Variants in MYO1D observed in about 807,000 individuals in gnomAD.
The protein encoded by MYO1D is unconventional myosin-Id.
Under a neutral mutation model 122.0 loss-of-function variants are expected in MYO1D, and 83 were observed. The ratio of observed to expected loss-of-function variants is 0.68; its 90% confidence interval spans 0.57 to 0.82. The LOEUF (loss-of-function observed/expected upper bound fraction) is 0.82. Among genes scored for constraint, MYO1D ranks in the 40% least tolerant of loss-of-function variants. MYO1D has a pLI of 0.00. For synonymous variants in MYO1D, 464 were observed against 446.9 expected, an observed-to-expected ratio of 1.04 and a Z score of -0.48; for missense variants, 1,157 against 1,269.5, an observed-to-expected ratio of 0.91 and a Z score of 1.35.
At chr17:32,795,190 T>C (rs2090401373) in intron 1 of MYO1D, among the ~76,000 whole-genome samples, 1 of 152,086 alleles carries the variant, frequency 6.6e-6, no homozygotes, top group Admixed American at 6.6e-5. Context: ...CAAGTGAAGA[T>C]GTTTCTCACA....
At chr17:32,614,262 C>T (rs539400981) in intron 20 of MYO1D, among the ~76,000 whole-genome samples, 1 of 150,484 alleles carries the variant, frequency 6.6e-6, no homozygotes, top group Non-Finnish European at 1.5e-5. Context: ...GCCCCCGCCC[C>T]CCACACCCCG....
intron 19 of MYO1D, among the ~76,000 whole-genome samples, chr17:32,640,973 A>G (rs922623160): frequency 1.3e-5 from 2 of 151,854 alleles, no homozygotes; most frequent in African/African-American, 4.8e-5. Context: ...TCTAGGGTAC[A>G]TGTGCACAAT....
intron 1 of MYO1D, among the ~76,000 whole-genome samples, chr17:32,788,731 G>A (rs978711833): frequency 1.3e-5 from 2 of 152,060 alleles, no homozygotes; most frequent in East Asian, 1.9e-4. Context: ...CTTTGGGGGT[G>A]CAGGCTCTTT....
intron 1 of MYO1D, among the ~76,000 whole-genome samples, chr17:32,791,673 G>C (rs144165454): frequency 7.2e-5 from 11 of 152,088 alleles, no homozygotes; most frequent in African/African-American, 2.4e-4. Context: ...AGAACAAAAG[G>C]GGGTTTCTTG....
chr17:32,654,728 G>C lies in MYO1D; in HGVS notation c.2346-107C>G, dbSNP rs554555075. ...GAGTCTCCCTCCATCTCCCAGGCTG[G>C]AGTGCATGGCATGATCTCAGCTCAC... On this transcript the variant is annotated intron_variant, in intron 17 of 21. Transcript: ENST00000318217. 768 of 1,094,562 alleles carry C rather than the reference G, an allele frequency of 7.0e-4. 6 individuals are homozygous for C. Among genetic ancestry groups the C allele is most frequent in the South Asian group, 4.0e-3 (212 of 53,512 alleles). 67.8% of individuals were successfully genotyped at this position (1,094,562 alleles called of 1,614,324 possible).
rs16967586 is a variant in MYO1D at position 32,738,208 on chromosome 17, G to A, written c.1746+45C>T. On this transcript the variant is annotated intron_variant, in intron 14 of 21. Coordinates refer to ENST00000318217, the MANE Select transcript of MYO1D (RefSeq NM_015194.3). ...TACATTCTTTATAATACATCAAGAG[G>A]AAATCTATGAGTTAAAATGGATATT... 6.9e-3 allele frequency: 10,260 copies of A among 1,494,046 alleles called. 584 individuals are homozygous for A. In the African/African-American group the frequency reaches 0.12, roughly 18 times the overall value. 92.5% of individuals were successfully genotyped at this position (1,494,046 alleles called of 1,614,324 possible).
chr17:32,553,083 A>AC (rs1188818609), intron 21 of MYO1D, among the ~76,000 whole-genome samples: 1 of 139,300 alleles, frequency 7.2e-6, no homozygotes, highest in Non-Finnish European at 1.5e-5. Context: ...AAGACAAAAA[A>AC]AAAAAAACAA....
intron 19 of MYO1D, among the ~76,000 whole-genome samples, chr17:32,644,797 C>G (rs1458515600): frequency 1.3e-5 from 2 of 151,956 alleles, no homozygotes; most frequent in Admixed American, 6.6e-5. Flanking sequence ...TTATTTTGAG[C>G]CTGTGTGTCT....
rs1045115127 is a variant in MYO1D at position 32,764,968 on chromosome 17, A to T, written c.945T>A (p.Leu315=). 1 of 1,614,100 alleles carries T rather than the reference A, an allele frequency of 6.2e-7. No individual in the cohort carries two copies. Among genetic ancestry groups the T allele is most frequent in the Non-Finnish European group, 8.5e-7 (1 of 1,180,054 alleles). The part of the protein sequence containing the change: ...STKTDMVEKA[L]LYRTVATGRD... ...GGCCTGTGGCCACAGTCCGGTAAAG[A>T]AGGGCTTTCTCAACCATATCTGTCT... Residue 315 remains leucine (L), a synonymous_variant, in exon 8 of 22, where the codon CTT becomes CTA. Coordinates refer to ENST00000318217, the MANE Select transcript of MYO1D (RefSeq NM_015194.3).
chr17:32,793,710 C>T (rs547673302), intron 1 of MYO1D, among the ~76,000 whole-genome samples: 21 of 152,298 alleles, frequency 1.4e-4, no homozygotes, highest in Middle Eastern at 3.4e-3. Flanking sequence ...TATTCCCAGG[C>T]CCATCGATAG....
At chr17:32,584,430 T>C (rs1022407742) in intron 21 of MYO1D, among the ~76,000 whole-genome samples, 6 of 152,232 alleles carry the variant, frequency 3.9e-5, no homozygotes, top group African/African-American at 1.2e-4. Context: ...TTTTACCATC[T>C]TAACTATTTT....
intron 1 of MYO1D, among the ~76,000 whole-genome samples, chr17:32,833,535 T>C (rs894805911): frequency 1.1e-4 from 17 of 152,054 alleles, no homozygotes; most frequent in African/African-American, 3.9e-4. Flanking sequence ...AGTCACATCA[T>C]GCCATTCCTC....
chr17:32,876,887 G>A lies in MYO1D; in HGVS notation c.-15C>T, dbSNP rs757215130. 1.4e-6 allele frequency: 2 copies of A among 1,458,236 alleles called. No homozygotes were observed. Among genetic ancestry groups the A allele is most frequent in the African/African-American group, 1.5e-5 (1 of 67,650 alleles). 90.3% of individuals were successfully genotyped at this position (1,458,236 alleles called of 1,614,324 possible). A position where few individuals can be genotyped will look rare whatever the true frequency, so the allele number is the denominator to read the frequency against. On this transcript the variant is annotated 5_prime_UTR_variant, in exon 1 of 22. Transcript: ENST00000318217. ...TGCTCCGCCATGGCGCCAGCGCGGG[G>A]GCTCAGGTGGGCGCGCTCGGGCCTC...
At chr17:32,727,828 T>C (rs1008995014) in intron 14 of MYO1D, among the ~76,000 whole-genome samples, 4 of 152,014 alleles carry the variant, frequency 2.6e-5, no homozygotes, top group African/African-American at 9.7e-5. Context: ...CATAAGGATA[T>C]AGAAAGATTG....
chr17:32,775,257 T>C (rs952459329), intron 4 of MYO1D, among the ~76,000 whole-genome samples: 1 of 151,878 alleles, frequency 6.6e-6, no homozygotes, highest in African/African-American at 2.4e-5. Context: ...GCCATGTTCA[T>C]GCTACTGCAC....
intron 21 of MYO1D, among the ~76,000 whole-genome samples, chr17:32,589,488 C>T (rs575737357): frequency 2.0e-5 from 3 of 152,224 alleles, no homozygotes; most frequent in South Asian, 2.1e-4. Context: ...GGGAGTAGGG[C>T]AATGTAAGGA....
intron 16 of MYO1D, among the ~76,000 whole-genome samples, chr17:32,686,892 TG>T (rs1024186776): frequency 6.6e-6 from 1 of 151,090 alleles, no homozygotes; most frequent in African/African-American, 2.4e-5. Flanking sequence ...GCTTGAGCCC[TG>T]GAAGTTGAGG....
intron 1 of MYO1D, among the ~76,000 whole-genome samples, chr17:32,872,682 C>G (rs1005334165): frequency 2.6e-5 from 4 of 151,190 alleles, no homozygotes; most frequent in Non-Finnish European, 5.9e-5. Flanking sequence ...AGACACACAT[C>G]TAGGTCAATT....
At chr17:32,542,781 G>A in intron 21 of MYO1D, among the ~76,000 whole-genome samples, 1 of 152,096 alleles carries the variant, frequency 6.6e-6, no homozygotes, top group Non-Finnish European at 1.5e-5. Flanking sequence ...GAGGCCTGTG[G>A]GAAGCTGCCC....
Sources: gnomAD v4.1 joint callset for allele counts (sites outside exome capture counted in the v4.1 genomes callset) on GRCh38, gnomAD v4.1.1 for gene constraint, MANE v1.5 for transcripts, NCBI Gene and HGNC (gene_info 2026-07-23, HGNC 2026-07-21) for gene names.